Variants in BNC2 observed in about 807,000 individuals in gnomAD.
BNC2 encodes basonuclin zinc finger protein 2.
In BNC2, 20 loss-of-function variants were observed where a neutral mutation model predicts 76.3. The ratio of observed to expected loss-of-function variants is 0.26; its 90% CI spans 0.18 to 0.38. The LOEUF (loss-of-function observed/expected upper bound fraction) is 0.38, where lower values mean the gene tolerates loss of function less well. Among genes scored for constraint, BNC2 ranks in the 10% least tolerant of loss-of-function variants. The pLI, the probability that BNC2 is intolerant of heterozygous loss-of-function variation, is 1.00. For synonymous variants in BNC2, 582 were observed against 514.8 expected (o/e 1.13, Z -1.77); for missense variants, 1,382 against 1,399.8 (o/e 0.99, Z 0.20).
intron 5 of BNC2, among the ~76,000 whole-genome samples, chr9:16,497,818 G>T (rs1189678459): frequency 3.9e-5 from 6 of 151,970 alleles, no homozygotes; most frequent in Admixed American, 3.3e-4. Flanking sequence ...GAAAAACGCA[G>T]GTTAGCCAGT....
intron 1 of BNC2, among the ~76,000 whole-genome samples, chr9:16,797,655 CA>C (rs1335064400): frequency 6.6e-6 from 1 of 151,944 alleles, no homozygotes; most frequent in Admixed American, 6.6e-5. Flanking sequence ...ATTTGAACAC[CA>C]AGATGAGATT....
intron 5 of BNC2, among the ~76,000 whole-genome samples, chr9:16,441,297 G>A (rs2130916845): frequency 6.6e-6 from 1 of 152,252 alleles, no homozygotes; most frequent in South Asian, 2.1e-4. Flanking sequence ...GAGCAAGACT[G>A]TCTCAAAAAC....
chr9:16,774,312 T>A (rs1012625497), intron 1 of BNC2, among the ~76,000 whole-genome samples: 4 of 152,182 alleles, frequency 2.6e-5, no homozygotes, highest in Non-Finnish European at 5.9e-5. Flanking sequence ...TAAGTACAAC[T>A]ACTATTCGTT....
intron 4 of BNC2, among the ~76,000 whole-genome samples, chr9:16,572,474 A>G (rs1307093282): frequency 6.6e-6 from 1 of 152,198 alleles, no homozygotes; most frequent in Non-Finnish European, 1.5e-5. Flanking sequence ...TAGAGTTTCA[A>G]TAAACCTTTG....
chr9:16,725,087 A>G (rs1824270369), intron 3 of BNC2, among the ~76,000 whole-genome samples: 1 of 152,172 alleles, frequency 6.6e-6, no homozygotes, highest in African/African-American at 2.4e-5. Context: ...AATTCTACAT[A>G]TTTGATTAAA....
At chr9:16,515,559 C>T (rs746691394) in intron 5 of BNC2, among the ~76,000 whole-genome samples, 6 of 151,936 alleles carry the variant, frequency 3.9e-5, no homozygotes, top group Non-Finnish European at 8.8e-5. Context: ...AAAGATCTGA[C>T]GCTTAGTGAG....
intron 1 of BNC2, among the ~76,000 whole-genome samples, chr9:16,815,838 A>G (rs1028159120): frequency 6.6e-6 from 1 of 152,198 alleles, no homozygotes; most frequent in African/African-American, 2.4e-5. Flanking sequence ...CAAGTAAGAC[A>G]GAGTAACTAT....
chr9:16,420,587 T>A (rs753425179), intron 6 of BNC2, among the ~76,000 whole-genome samples: 1 of 152,018 alleles, frequency 6.6e-6, no homozygotes, highest in Non-Finnish European at 1.5e-5. Context: ...AACATAGGGT[T>A]CCTTTACTTT....
At chr9:16,520,302 T>A (rs184778851) in intron 5 of BNC2, among the ~76,000 whole-genome samples, 2 of 152,274 alleles carry the variant, frequency 1.3e-5, no homozygotes, top group Admixed American at 1.3e-4. Flanking sequence ...AGGTCAGTGC[T>A]TCATTATGTG....
intron 3 of BNC2, among the ~76,000 whole-genome samples, chr9:16,724,372 CTTTTA>C (rs1824252197): frequency 6.6e-6 from 1 of 151,690 alleles, no homozygotes; most frequent in South Asian, 2.1e-4. Flanking sequence ...TCATTTTTTG[CTTTTA>C]ACAGTACCTT....
At chr9:16,682,074 G>A (rs1333488049) in intron 3 of BNC2, among the ~76,000 whole-genome samples, 1 of 151,826 alleles carries the variant, frequency 6.6e-6, no homozygotes, top group East Asian at 1.9e-4. Context: ...GGGATGTTGT[G>A]GATGTATCTG....
chr9:16,819,382 G>A (rs1246354254), intron 1 of BNC2, among the ~76,000 whole-genome samples: 1 of 152,138 alleles, frequency 6.6e-6, no homozygotes, highest in Non-Finnish European at 1.5e-5. Flanking sequence ...TGCAGTCCAG[G>A]CTGGGCACAA....
At chr9:16,528,894 G>T (rs528460771) in intron 5 of BNC2, among the ~76,000 whole-genome samples, 1 of 152,312 alleles carries the variant, frequency 6.6e-6, no homozygotes, top group African/African-American at 2.4e-5. Flanking sequence ...TACCACCGTA[G>T]TGGCTTATAA....
At chr9:16,616,425 G>A (rs1820698528) in intron 3 of BNC2, among the ~76,000 whole-genome samples, 1 of 151,766 alleles carries the variant, frequency 6.6e-6, no homozygotes, top group South Asian at 2.1e-4. Context: ...GGCCAGACAT[G>A]GTAGCTCACA....
chr9:16,585,222 T>G (rs1039983997), intron 3 of BNC2, among the ~76,000 whole-genome samples: 1 of 152,162 alleles, frequency 6.6e-6, no homozygotes, highest in Non-Finnish European at 1.5e-5. Context: ...TTTTTATGTG[T>G]ATTTATTTTT....
chr9:16,843,966 T>C (rs754660040), intron 1 of BNC2, among the ~76,000 whole-genome samples: 2 of 152,254 alleles, frequency 1.3e-5, no homozygotes, highest in African/African-American at 4.8e-5. Context: ...TCTTAGGTTT[T>C]TTGTTGTTGT....
At chr9:16,696,654 T>C (rs1402310222) in intron 3 of BNC2, among the ~76,000 whole-genome samples, 3 of 152,186 alleles carry the variant, frequency 2.0e-5, no homozygotes, top group Admixed American at 6.5e-5. Context: ...GCTTTACACA[T>C]AGCAGATAGT....
At chr9:16,814,922 A>C (rs1463398154) in intron 1 of BNC2, among the ~76,000 whole-genome samples, 1 of 152,138 alleles carries the variant, frequency 6.6e-6, no homozygotes, top group African/African-American at 2.4e-5. Flanking sequence ...TTACCTTATG[A>C]TCTCCAAGGA....
At chr9:16,461,924 T>A (rs1295274626) in intron 5 of BNC2, among the ~76,000 whole-genome samples, 1 of 152,224 alleles carries the variant, frequency 6.6e-6, no homozygotes, top group Non-Finnish European at 1.5e-5. Flanking sequence ...CTCTTTAGTA[T>A]GAAAGTAAAC....
Sources: allele counts gnomAD v4.1 joint callset (sites outside exome capture counted in the v4.1 genomes callset), GRCh38; gene constraint gnomAD v4.1.1; transcripts MANE v1.5; gene names NCBI Gene and HGNC (gene_info 2026-07-23, HGNC 2026-07-21).